Variants in FAP observed in about 807,000 individuals in gnomAD.
The protein encoded by FAP is fibroblast activation protein alpha, also known as prolyl endopeptidase FAP.
Under a neutral mutation model 126.5 loss-of-function variants are expected in FAP, and 110 were observed. The ratio of observed to expected loss-of-function variants is 0.87; its 90% CI spans 0.74 to 1.02. FAP has a LOEUF of 1.02. FAP is among the 50% of genes least tolerant of loss of function. The pLI, the probability that FAP is intolerant of heterozygous loss-of-function variation, is 0.00. For missense variants in FAP, 919 were observed against 909.2 expected, an observed-to-expected ratio of 1.01 and a Z score of -0.14; for synonymous variants, 334 against 297.3, an observed-to-expected ratio of 1.12 and a Z score of -1.27.
chr2:162,204,271 C>T (rs556859726), intron 12 of FAP, among the ~76,000 whole-genome samples: 6 of 152,230 alleles, frequency 3.9e-5, no homozygotes, highest in Non-Finnish European at 7.4e-5. Flanking sequence ...TTGATGCAAC[C>T]GATCATTATT....
intron 15 of FAP, 80 bp from the exon 16 acceptor site, chr2:162,198,961 T>G: frequency 1.7e-6 from 2 of 1,194,784 alleles, no homozygotes; most frequent in African/African-American, 1.5e-5. Context: ...GTAAAGTGAC[T>G]AATTTACATA....
chr2:162,238,114 G>A (rs1220994839), intron 2 of FAP, among the ~76,000 whole-genome samples: 1 of 151,914 alleles, frequency 6.6e-6, no homozygotes, highest in Non-Finnish European at 1.5e-5. Context: ...GTCAGGTGGA[G>A]AGATTGGAAA....
intron 12 of FAP, among the ~76,000 whole-genome samples, chr2:162,206,521 A>AT (rs5835902): frequency 0.059 from 8,887 of 151,322 alleles, 654 homozygotes; most frequent in Admixed American, 0.22. Flanking sequence ...AAGAAAATTC[A>AT]TTTTTTTTTG....
At chr2:162,174,454 G>A (rs1687416927) in intron 22 of FAP, among the ~76,000 whole-genome samples, 2 of 152,258 alleles carry the variant, frequency 1.3e-5, no homozygotes, top group African/African-American at 4.8e-5. Flanking sequence ...TTGTTTCTTT[G>A]ATTTCTGGAG....
chr2:162,223,486 C>A (rs1339917122), intron 6 of FAP, 122 bp downstream of exon 6: 2 of 680,274 alleles, frequency 2.9e-6, no homozygotes, highest in Non-Finnish European at 5.1e-6. Flanking sequence ...TACTGTATTA[C>A]TAAAAAGTAA....
chr2:162,218,154 A>C lies in FAP; in HGVS notation c.608-14T>G, dbSNP rs1304060636. ...CAAGCATTTCCTCTGAAAAATAAGT[A>C]CTAGGATATTAACTATAATTACATC... is the stretch of plus-strand genomic sequence containing the variant. On this transcript the variant is annotated splice_polypyrimidine_tract_variant and intron_variant, in intron 8 of 25. Transcript: ENST00000188790. The C allele has an allele frequency of 3.2e-6, 5 of 1,555,198 alleles. No homozygotes were observed. The highest frequency in any genetic ancestry group is 2.3e-5 in the East Asian group (1 of 43,466).
At chr2:162,197,467 G>T in intron 16 of FAP, 1 of 438,110 alleles carries the variant, frequency 2.3e-6, no homozygotes, top group African/African-American at 2.0e-5. Context: ...ACCTTTAAAT[G>T]CCAGTAACCA....
At chr2:162,215,016 G>A (rs1397533871) in intron 10 of FAP, among the ~76,000 whole-genome samples, 3 of 151,360 alleles carry the variant, frequency 2.0e-5, no homozygotes, top group Admixed American at 6.8e-5. Context: ...TCTGCCACCT[G>A]TGGAGAATGA....
In FAP at chr2:162,225,386, T is replaced by C. The variant is rs541058051; in HGVS notation, c.285+97A>G. 4.7e-4 allele frequency: 690 copies of C among 1,477,846 alleles called. 2 individuals are homozygous for C. The highest frequency in any genetic ancestry group is 6.1e-4 in the Non-Finnish European group (669 of 1,099,146). 91.5% of individuals were successfully genotyped at this position (1,477,846 alleles called of 1,614,324 possible). On this transcript the variant is annotated intron_variant, in intron 4 of 25. Coordinates refer to ENST00000188790, the MANE Select transcript of FAP (RefSeq NM_004460.5). ...GGAGTATGGAGCTGGGAAGGCAAGTTGTGTCCAGATCAGGTGCTAAGACTT... is the reference window on the plus strand; with the variant it reads ...GGAGTATGGAGCTGGGAAGGCAAGTCGTGTCCAGATCAGGTGCTAAGACTT...
chr2:162,214,157 A>T (rs182009797), intron 10 of FAP, 84 bp from the exon 11 acceptor site: 4 of 1,303,748 alleles, frequency 3.1e-6, no homozygotes, highest in Non-Finnish European at 4.3e-6. Context: ...TTTCTAAAGG[A>T]TATATGTCAT....
At chr2:162,172,639 C>A (rs1165854276) in intron 25 of FAP, 172 bp downstream of exon 25, 2 of 565,584 alleles carry the variant, frequency 3.5e-6, no homozygotes, top group Admixed American at 2.9e-5. Context: ...TGCCTCGGGT[C>A]CTTCAGTAGT....
At chr2:162,203,349 C>T (rs1688572536) in intron 12 of FAP, among the ~76,000 whole-genome samples, 1 of 152,122 alleles carries the variant, frequency 6.6e-6, no homozygotes, top group African/African-American at 2.4e-5. Flanking sequence ...CTTGAACATT[C>T]CGACCACTGC....
At chr2:162,188,991 G>A (rs375853532) in intron 19 of FAP, 112 bp downstream of exon 19, 1 of 531,498 alleles carries the variant, frequency 1.9e-6, no homozygotes. Context: ...TATAAAAACA[G>A]CATCAATAGG....
intron 5 of FAP, 73 bp downstream of exon 5, chr2:162,224,393 C>T (rs1689543621): frequency 1.2e-6 from 1 of 860,698 alleles, no homozygotes; most frequent in Non-Finnish European, 1.9e-6. Context: ...CTTGCTTTCT[C>T]TCACTTTTTT....
chr2:162,181,743 C>T (rs377604236), intron 21 of FAP, among the ~76,000 whole-genome samples: 7 of 152,188 alleles, frequency 4.6e-5, no homozygotes, highest in East Asian at 3.8e-4. Flanking sequence ...GCCAGGACTA[C>T]GACTTACTCA....
intron 20 of FAP, among the ~76,000 whole-genome samples, chr2:162,186,647 C>T (rs752721435): frequency 6.6e-6 from 1 of 152,008 alleles, no homozygotes; most frequent in Non-Finnish European, 1.5e-5. Flanking sequence ...GCTCTTTCAG[C>T]TTTGGAAAAG....
intron 17 of FAP, among the ~76,000 whole-genome samples, chr2:162,191,803 C>T (rs1015069132): frequency 6.6e-6 from 1 of 152,122 alleles, no homozygotes; most frequent in Non-Finnish European, 1.5e-5. Flanking sequence ...CCTGACAATT[C>T]CAGCTCTTCT....
chr2:162,213,378 A>C (rs911993805), intron 11 of FAP, among the ~76,000 whole-genome samples: 1 of 151,712 alleles, frequency 6.6e-6, no homozygotes, highest in Non-Finnish European at 1.5e-5. Flanking sequence ...CCATCTCAAA[A>C]AAAAAACAAA....
chr2:162,189,259 A>G (rs1687958870), intron 18 of FAP, 87 bp from the exon 19 acceptor site: 2 of 710,534 alleles, frequency 2.8e-6, no homozygotes, highest in Non-Finnish European at 4.6e-6. Flanking sequence ...TATGCAATAA[A>G]ATCAATTTTC....
Sources: allele counts gnomAD v4.1 joint callset (sites outside exome capture counted in the v4.1 genomes callset), GRCh38; gene constraint gnomAD v4.1.1; transcripts MANE v1.5; gene names NCBI Gene and HGNC (gene_info 2026-07-23, HGNC 2026-07-21).